PTPRD: variants seen among roughly 807,000 people sequenced by gnomAD.
PTPRD encodes the protein receptor-type tyrosine-protein phosphatase delta.
In PTPRD, 34 loss-of-function variants were observed where a neutral mutation model predicts 214.5. That is an observed-to-expected ratio of 0.16 (90% CI 0.12 to 0.21). The LOEUF is 0.21. PTPRD is among the 10% of genes least tolerant of loss of function. The probability of loss-of-function intolerance (pLI) is 1.00; values close to 1 mark genes in which losing one functional copy is unlikely to be tolerated. For synonymous variants in PTPRD, 1,128 were observed against 845.7 expected (o/e 1.33, Z -5.79); for missense variants, 2,545 against 2,398.7 (o/e 1.06, Z -1.27).
intron 5 of PTPRD, among the ~76,000 whole-genome samples, chr9:9,768,493 A>G (rs943130254): frequency 6.6e-6 from 1 of 152,198 alleles, no homozygotes; most frequent in Non-Finnish European, 1.5e-5. Flanking sequence ...ATTATGTTCA[A>G]ATTAATTGAG....
At chr9:9,242,475 G>C (rs528614750) in intron 9 of PTPRD, among the ~76,000 whole-genome samples, 4 of 152,206 alleles carry the variant, frequency 2.6e-5, no homozygotes, top group East Asian at 1.9e-4. Context: ...GTCACTTTCA[G>C]GTACACCAAT....
In PTPRD at chr9:9,670,368, G is replaced by A. The variant is rs370339285; in HGVS notation, c.-287+64165C>T. On this transcript the variant is annotated intron_variant, in intron 7 of 45. Coordinates refer to ENST00000381196, the MANE Select transcript of PTPRD (RefSeq NM_002839.4). ...AAAGGCTTTTAGTTTTGTAAGGGGA[G>A]CAGAGCATAAAAGTTAAGAAAATTT... Among the ~76,000 whole-genome samples, 18 of 152,260 alleles carry A rather than the reference G, an allele frequency of 1.2e-4. No homozygotes were observed. In the East Asian group the frequency reaches 3.5e-3, roughly 30 times the overall value.
intron 11 of PTPRD, among the ~76,000 whole-genome samples, chr9:8,747,836 C>G (rs553890110): frequency 6.6e-6 from 1 of 152,176 alleles, no homozygotes; most frequent in Non-Finnish European, 1.5e-5. Context: ...TCAAAACTAT[C>G]AAGCAGATAG....
rs542509433 is a variant in PTPRD at position 9,651,491 on chromosome 9, G to A, written c.-286-76710C>T. ...CTCCCACTTGCAAGCGAGAACATGT[G>A]GTATTTGGTTTTCTGTTCCTGTGTT... On this transcript the variant is annotated intron_variant, in intron 7 of 45. Transcript: ENST00000381196. Among the ~76,000 whole-genome samples, 8 of 152,172 alleles carry A rather than the reference G, an allele frequency of 5.3e-5. No individual in the cohort carries two copies. The East Asian group carries it at 1.2e-3, about 22-fold the overall frequency.
chr9:8,758,149 T>A (rs1339744604), intron 11 of PTPRD, among the ~76,000 whole-genome samples: 1 of 152,212 alleles, frequency 6.6e-6, no homozygotes, highest in Non-Finnish European at 1.5e-5. Context: ...AGGAAGGATT[T>A]TGAGGAAACA....
intron 14 of PTPRD, among the ~76,000 whole-genome samples, chr9:8,562,616 T>G (rs1484745040): frequency 6.6e-6 from 1 of 152,012 alleles, no homozygotes; most frequent in Non-Finnish European, 1.5e-5. Context: ...TTTACATTTT[T>G]TGTAGATACG....
chr9:9,171,332 A>AAGATTATATTATATATAAATATAATT (rs1221207733), intron 10 of PTPRD, among the ~76,000 whole-genome samples: 16 of 150,004 alleles, frequency 1.1e-4, no homozygotes, highest in South Asian at 4.2e-4. Flanking sequence ...TGCTAATTAT[A>AAGATTATATTATATATAAATATAATT]AGATTATATT....
At chr9:9,903,952 T>G (rs757155448) in intron 5 of PTPRD, among the ~76,000 whole-genome samples, 4 of 152,136 alleles carry the variant, frequency 2.6e-5, no homozygotes, top group Non-Finnish European at 5.9e-5. Context: ...CAGACAGTAA[T>G]AGTAACATTA....
intron 11 of PTPRD, among the ~76,000 whole-genome samples, chr9:8,759,633 T>G (rs1354980792): frequency 6.7e-6 from 1 of 148,266 alleles, no homozygotes; most frequent in Non-Finnish European, 1.5e-5. Flanking sequence ...TTTTTTTTTG[T>G]CCTCATCAAT....
At chr9:9,442,685 G>C (rs1016577313) in intron 8 of PTPRD, among the ~76,000 whole-genome samples, 1 of 152,140 alleles carries the variant, frequency 6.6e-6, no homozygotes. Flanking sequence ...TATTTTCAAA[G>C]TCTTTCTGAA....
intron 4 of PTPRD, among the ~76,000 whole-genome samples, chr9:9,957,166 A>C (rs1483776521): frequency 6.6e-6 from 1 of 152,326 alleles, no homozygotes; most frequent in Non-Finnish European, 1.5e-5. Context: ...ATATGTATGT[A>C]TATATAAACA....
chr9:10,439,699 C>T (rs1300038691), intron 2 of PTPRD, among the ~76,000 whole-genome samples: 1 of 151,764 alleles, frequency 6.6e-6, no homozygotes, highest in Non-Finnish European at 1.5e-5. Flanking sequence ...AAGACACAGA[C>T]TGTTTGGAAT....
At chr9:9,251,933 C>A (rs1000176625) in intron 9 of PTPRD, among the ~76,000 whole-genome samples, 5 of 152,072 alleles carry the variant, frequency 3.3e-5, no homozygotes, top group African/African-American at 1.2e-4. Flanking sequence ...AAATACTACC[C>A]AGAGTGCCTT....
chr9:8,896,950 T>C (rs544256731), intron 11 of PTPRD, among the ~76,000 whole-genome samples: 69 of 152,290 alleles, frequency 4.5e-4, no homozygotes, highest in African/African-American at 1.6e-3. Context: ...TAGTTCTAAT[T>C]TTATATAGGT....
intron 11 of PTPRD, among the ~76,000 whole-genome samples, chr9:9,014,274 C>T (rs613613): frequency 0.26 from 39,245 of 149,898 alleles, 5,356 homozygotes; most frequent in Middle Eastern, 0.31. Flanking sequence ...AACTTCTCCA[C>T]GATCTTTCAT....
At chr9:8,318,734 AAGC>A (rs1824203786) in intron 45 of PTPRD, among the ~76,000 whole-genome samples, 1 of 152,136 alleles carries the variant, frequency 6.6e-6, no homozygotes, top group South Asian at 2.1e-4. Context: ...CACTAAAAAA[AAGC>A]AGTATGAAGC....
intron 2 of PTPRD, among the ~76,000 whole-genome samples, chr9:10,463,800 G>A (rs1431203227): frequency 1.3e-5 from 2 of 151,688 alleles, no homozygotes; most frequent in African/African-American, 4.9e-5. Flanking sequence ...CAAGAACTCT[G>A]CTTTACCCAA....
chr9:8,721,583 T>A (rs1311391439), intron 12 of PTPRD, among the ~76,000 whole-genome samples: 1 of 152,166 alleles, frequency 6.6e-6, no homozygotes, highest in Non-Finnish European at 1.5e-5. Flanking sequence ...TAAAATAGTT[T>A]ATAATAATGG....
intron 8 of PTPRD, among the ~76,000 whole-genome samples, chr9:9,568,826 G>C (rs1189729488): frequency 6.6e-6 from 1 of 151,740 alleles, no homozygotes; most frequent in African/African-American, 2.4e-5. Context: ...TTTGTAGCTG[G>C]AGGATGACTG....
Sources: allele counts gnomAD v4.1 joint callset (sites outside exome capture counted in the v4.1 genomes callset), GRCh38; gene constraint gnomAD v4.1.1; transcripts MANE v1.5; gene names NCBI Gene and HGNC (gene_info 2026-07-23, HGNC 2026-07-21).